NEB: variants seen among roughly 807,000 people sequenced by gnomAD.
NEB encodes the protein nebulin.
In NEB, 512 loss-of-function variants were observed where a neutral mutation model predicts 952.2. The observed-to-expected ratio is 0.54, with a 90% CI of 0.50 to 0.58. The LOEUF (loss-of-function observed/expected upper bound fraction) is 0.58, where lower values mean the gene tolerates loss of function less well. NEB is among the 20% of genes least tolerant of loss of function. The probability of loss-of-function intolerance (pLI) is 0.00; values close to 1 mark genes in which losing one functional copy is unlikely to be tolerated. For missense variants in NEB, 8,428 were observed against 9,231.1 expected (o/e 0.91, Z 3.56); for synonymous variants, 2,900 against 3,149.8 (o/e 0.92, Z 2.66).
Position 151,633,737 on chromosome 2 carries a change from T to C in NEB, c.9331A>G (p.Lys3111Glu). The change falls in exon 65 of 182, where the codon AAG (lysine) becomes GAG (glutamate). Residue 3111 changes from lysine to glutamate, a missense_variant. Around this residue, in one of 11 missense-constraint regions of NEB, gnomAD observed 1,772 missense variants for 1,960.3 expected, o/e 0.90. Coordinates refer to ENST00000397345, the MANE Select transcript of NEB (RefSeq NM_001164508.2). ...CQTLVSDVDYKNYLHEWTCLP... is the reference protein window; with the variant it reads ...CQTLVSDVDYENYLHEWTCLP... Reference sequence around the variant, plus strand: ...CATGTCCACTCGTGCAGGTAGTTCTTATAGTCCACGTCACTGACTAAGGTC... The same window carrying C: ...CATGTCCACTCGTGCAGGTAGTTCTCATAGTCCACGTCACTGACTAAGGTC... The C allele has an allele frequency of 6.2e-7, 1 of 1,613,998 alleles. No individual in the cohort carries two copies. Among genetic ancestry groups the C allele is most frequent in the Non-Finnish European group, 8.5e-7 (1 of 1,179,896 alleles).
In NEB at chr2:151,630,696, C is replaced by A; in HGVS notation, c.9723+19G>T. 1 of 1,566,092 alleles carries A rather than the reference C, an allele frequency of 6.4e-7. No homozygotes were observed. Among genetic ancestry groups the A allele is most frequent in the East Asian group, 2.3e-5 (1 of 44,118 alleles). ...AGACACCACCACCACAATATAGCAC[C>A]ACAGATTTTTGCTCCTACCTCACTG... is the stretch of plus-strand genomic sequence containing the variant. On this transcript the variant is annotated intron_variant, in intron 67 of 181. Transcript: ENST00000397345.
intron 10 of NEB, among the ~76,000 whole-genome samples, chr2:151,716,801 A>G (rs1438114455): frequency 6.6e-6 from 1 of 152,230 alleles, no homozygotes; most frequent in East Asian, 1.9e-4. Flanking sequence ...GTATCCCAGG[A>G]GAAAGTGGTC....
At chr2:151,550,088 A>G (rs2095187497) in intron 129 of NEB, among the ~76,000 whole-genome samples, 1 of 151,856 alleles carries the variant, frequency 6.6e-6, no homozygotes, top group Non-Finnish European at 1.5e-5. Flanking sequence ...ACAACATAGC[A>G]AGATCCCACC....
At chr2:151,563,501 C>T in intron 119 of NEB, 105 bp downstream of exon 119, 1 of 962,818 alleles carries the variant, frequency 1.0e-6, no homozygotes, top group Non-Finnish European at 1.7e-6. Flanking sequence ...CCCTACGCTA[C>T]TCCATTTCCC....
chr2:151,650,725 C>T lies in NEB; in HGVS notation c.7076G>A (p.Ser2359Asn). ...DFEKWKTKFS[S>N]PVDMLGVVLA... ...TACCACTCCCAACATGTCCACTGGG[C>T]TGGAGAACTTAGTTTTCCACTTCTC... Residue 2359 changes from serine (S) to asparagine (N), a missense_variant, in exon 53 of 182, where the codon AGC becomes AAC. Ser to Asn is a conservative substitution (Grantham distance 46). Transcript: ENST00000397345. 1 of 1,613,976 alleles carries T rather than the reference C, an allele frequency of 6.2e-7. No homozygotes were observed.
At chr2:151,486,523 C>G (rs2152654928) in intron 181 of NEB, 1 of 152,796 alleles carries the variant, frequency 6.5e-6, no homozygotes, top group Middle Eastern at 3.4e-3. Context: ...AGAATGAAGA[C>G]ATAGGTCTGC....
At chr2:151,534,404 C>A in intron 142 of NEB, 1 of 1,102,444 alleles carries the variant, frequency 9.1e-7, no homozygotes, top group South Asian at 1.3e-5. Flanking sequence ...TCCAGAGGGC[C>A]AGAACATGTC....
chr2:151,655,767 C>A (rs1232874811), intron 50 of NEB, 50 bp downstream of exon 50: 2 of 1,580,032 alleles, frequency 1.3e-6, no homozygotes, highest in African/African-American at 2.7e-5. Flanking sequence ...CCAGAGCCTG[C>A]TAGCCTTTCC....
chr2:151,557,256 T>C (rs2095711214), intron 124 of NEB, among the ~76,000 whole-genome samples: 1 of 152,158 alleles, frequency 6.6e-6, no homozygotes, highest in African/African-American at 2.4e-5. Context: ...GCAAATAAAC[T>C]AGAAAATCTA....
intron 54 of NEB, among the ~76,000 whole-genome samples, chr2:151,649,930 C>A (rs1476722100): frequency 6.6e-6 from 1 of 152,162 alleles, no homozygotes; most frequent in African/African-American, 2.4e-5. Flanking sequence ...TTTGTTCGAT[C>A]ATTTTCCCAT....
chr2:151,658,123 C>T, intron 47 of NEB, 33 bp from the exon 48 acceptor site: 1 of 1,431,742 alleles, frequency 7.0e-7, no homozygotes, highest in Non-Finnish European at 9.7e-7. Context: ...GAGTTTTCTT[C>T]TAAATATGAA....
rs575091306 is a variant in NEB, at chr2:151,503,540, A to T, written c.23743-99T>A. On this transcript the variant is annotated intron_variant, in intron 165 of 181. Transcript: ENST00000397345. ...TATTTGGGGGAAACTCATAAAAACA[A>T]TCTAGCTCTCAAATATAACATTCAA... 43 of 724,634 alleles carry T rather than the reference A, an allele frequency of 5.9e-5. No homozygotes were observed. The African/African-American group carries it at 7.3e-4, about 12-fold the overall frequency. 44.9% of individuals were successfully genotyped at this position (724,634 alleles called of 1,614,324 possible).
At chr2:151,533,348 G>T in intron 143 of NEB, 94 bp downstream of exon 143, 1 of 792,766 alleles carries the variant, frequency 1.3e-6, no homozygotes. Context: ...GCCAGCATGG[G>T]CAGGGAGTGG....
intron 164 of NEB, chr2:151,505,921 T>C (rs1242427262): frequency 2.1e-5 from 12 of 569,090 alleles, no homozygotes; most frequent in South Asian, 4.4e-5. Flanking sequence ...TCTTTGACTG[T>C]ACCGGATTCT....
chr2:151,563,237 A>G (rs1250597393), intron 119 of NEB, among the ~76,000 whole-genome samples: 1 of 151,782 alleles, frequency 6.6e-6, no homozygotes, highest in Non-Finnish European at 1.5e-5. Context: ...CCAGTCTCGA[A>G]CTCCTGACCT....
At chr2:151,651,371 G>A (rs2099027777) in intron 52 of NEB, among the ~76,000 whole-genome samples, 1 of 152,118 alleles carries the variant, frequency 6.6e-6, no homozygotes, top group East Asian at 1.9e-4. Context: ...TAATCCTTAC[G>A]GGCTAAATGG....
In NEB at chr2:151,540,353, A is replaced by G. The variant is rs576660293; in HGVS notation, c.20883T>C (p.Asn6961=). 8.3e-6 allele frequency: 13 copies of G among 1,575,310 alleles called. No homozygotes were observed. The South Asian group carries it at 1.4e-4, about 17-fold the overall frequency. ...ILIRAKRAYW[N]ASDLRYKETF... Reference sequence around the variant, plus strand: ...AGGAAGGGATGCATACATCACTGGCATTCCAGTAAGCCCTCTTGGCTCTGA... The same window carrying G: ...AGGAAGGGATGCATACATCACTGGCGTTCCAGTAAGCCCTCTTGGCTCTGA... The change falls in exon 138 of 182, where the codon AAT becomes AAC. Residue 6961 remains asparagine, a synonymous_variant. Transcript: ENST00000397345.
At chr2:151,697,505 T>G in intron 14 of NEB, 39 bp downstream of exon 14, 3 of 1,606,796 alleles carry the variant, frequency 1.9e-6, no homozygotes, top group Non-Finnish European at 2.6e-6. Flanking sequence ...AATAATGGGT[T>G]CTTTTTTTAA....
At chr2:151,652,596 G>C (rs2099043171) in intron 52 of NEB, among the ~76,000 whole-genome samples, 1 of 152,104 alleles carries the variant, frequency 6.6e-6, no homozygotes, top group East Asian at 1.9e-4. Flanking sequence ...CTGAGTGGGA[G>C]ATTAGATTAA....
Sources: gnomAD v4.1 joint callset for allele counts (sites outside exome capture counted in the v4.1 genomes callset) on GRCh38, gnomAD v4.1.1 for gene constraint, gnomAD v4.1.1 regional missense constraint, MANE v1.5 for transcripts, NCBI Gene and HGNC (gene_info 2026-07-23, HGNC 2026-07-21) for gene names.